SLC22A14: variants seen among roughly 807,000 people sequenced by gnomAD.
SLC22A14 encodes the protein organic cation transporter-like 4.
SLC22A14 carries 50 observed loss-of-function variants against 53.9 expected under a neutral mutation model. The observed-to-expected ratio is 0.93, with a 90% CI of 0.74 to 1.17. SLC22A14 has a LOEUF of 1.17. Ranked by LOEUF, SLC22A14 falls within the 50% of genes most tolerant of loss-of-function variation. SLC22A14 has a pLI of 0.00. For synonymous variants in SLC22A14, 312 were observed against 303.0 expected (o/e 1.03, Z -0.31); for missense variants, 671 against 734.7 (o/e 0.91, Z 1.00).
intron 9 of SLC22A14, 58 bp from the exon 10 acceptor site, chr3:38,316,266 C>A: frequency 6.6e-7 from 1 of 1,512,476 alleles, no homozygotes; most frequent in Non-Finnish European, 9.2e-7. Context: ...AGCTGCTGGC[C>A]CTGCCCAGCC....
intron 1 of SLC22A14, among the ~76,000 whole-genome samples, chr3:38,291,694 T>C (rs924740894): frequency 3.9e-5 from 6 of 152,204 alleles, no homozygotes; most frequent in Non-Finnish European, 7.3e-5. Flanking sequence ...CTATTCCTGT[T>C]TTTTTCTGTG....
chr3:38,295,749 T>TCC (rs1302711310), intron 1 of SLC22A14, among the ~76,000 whole-genome samples: 1 of 151,824 alleles, frequency 6.6e-6, no homozygotes, highest in Non-Finnish European at 1.5e-5. Context: ...TCTCTCTCTC[T>TCC]CCTCTCTGTC....
intron 1 of SLC22A14, among the ~76,000 whole-genome samples, chr3:38,287,447 G>T (rs1703817487): frequency 1.3e-5 from 2 of 151,882 alleles, no homozygotes; most frequent in Non-Finnish European, 1.5e-5. Context: ...GCCTTAATAG[G>T]GCTGGAATTT....
Position 38,313,168 on chromosome 3 carries a change from G to A in SLC22A14, c.1065+49G>A, listed in dbSNP as rs758628566. The A allele has an allele frequency of 1.0e-5, 16 of 1,600,524 alleles. No homozygotes were observed. The East Asian group carries it at 3.1e-4, about 31-fold the overall frequency. ...GGGGCCGGAGCAGTGGGCTGTGGAA[G>A]GGCCCCTTCCCTCCTCATCCTTTCA... On this transcript the variant is annotated intron_variant, in intron 6 of 10. Coordinates refer to ENST00000448498, the MANE Select transcript of SLC22A14 (RefSeq NM_001320033.2).
Position 38,315,665 on chromosome 3 carries a change from A to G in SLC22A14, c.1486A>G (p.Thr496Ala), listed in dbSNP as rs149097420. The G allele has an allele frequency of 3.9e-5, 63 of 1,613,890 alleles. No homozygotes were observed. The African/African-American group carries it at 7.9e-4, about 20-fold the overall frequency. The change falls in exon 9 of 11, where the codon ACT becomes GCT. Residue 496 changes from threonine (T) to alanine (A), a missense_variant. Physicochemically the swap from Thr to Ala is moderately conservative, Grantham distance 58. Coordinates refer to ENST00000448498, the MANE Select transcript of SLC22A14 (RefSeq NM_001320033.2). Reference protein sequence around the residue: ...LREFSLAATVTVFFLYTAELL... With the variant: ...LREFSLAATVAVFFLYTAELL... ...AGAGTTCAGCCTGGCCGCCACTGTC[A>G]CTGTGTTCTTCCTCTACACCGCTGA...
Position 38,315,626 on chromosome 3 carries a change from G to A in SLC22A14, c.1447G>A (p.Val483Met), listed in dbSNP as rs773403037. 1.2e-5 allele frequency: 20 copies of A among 1,613,996 alleles called. No individual in the cohort carries two copies. The highest frequency in any genetic ancestry group is 1.7e-5 in the Admixed American group (1 of 60,000). The change falls in exon 9 of 11, where the codon GTG becomes ATG. Residue 483 changes from valine to methionine, a missense_variant. By Grantham distance (21) the Val-to-Met change is conservative. Transcript: ENST00000448498. ...AGAGCTGAAATCCATGACGATCTTG[G>A]TGCTCATGCTCAGAGAGTTCAGCCT... ...ATELKSMTIL[V>M]LMLREFSLAA...
intron 9 of SLC22A14, among the ~76,000 whole-genome samples, chr3:38,316,045 T>A (rs1559555560): frequency 6.6e-6 from 1 of 152,186 alleles, no homozygotes; most frequent in Admixed American, 6.5e-5. Flanking sequence ...CTCAGATCCT[T>A]CCCTGAGGTT....
At chr3:38,290,440 C>G (rs928347482) in intron 1 of SLC22A14, among the ~76,000 whole-genome samples, 1 of 152,162 alleles carries the variant, frequency 6.6e-6, no homozygotes, top group East Asian at 1.9e-4. Context: ...CTGGAAGAGA[C>G]AAACTTAACA....
intron 1 of SLC22A14, among the ~76,000 whole-genome samples, chr3:38,297,428 CTGTT>C (rs1287212551): frequency 2.0e-5 from 3 of 151,712 alleles, no homozygotes; most frequent in Admixed American, 1.3e-4. Context: ...GCCCCTAAAT[CTGTT>C]TGGTGGTGGG....
At chr3:38,282,977 T>G (rs1189779515) in intron 1 of SLC22A14, among the ~76,000 whole-genome samples, 1 of 152,098 alleles carries the variant, frequency 6.6e-6, no homozygotes, top group Non-Finnish European at 1.5e-5. Context: ...GAAGAACAAA[T>G]GGGCCTCAGC....
intron 1 of SLC22A14, among the ~76,000 whole-genome samples, chr3:38,290,404 C>A (rs957245613): frequency 6.6e-6 from 1 of 152,106 alleles, no homozygotes; most frequent in African/African-American, 2.4e-5. Context: ...ATTTGAAGAT[C>A]GATTTGTAGT....
At chr3:38,287,477 T>C (rs749799236) in intron 1 of SLC22A14, among the ~76,000 whole-genome samples, 94 of 152,318 alleles carry the variant, frequency 6.2e-4, no homozygotes, top group Non-Finnish European at 1.0e-3. Flanking sequence ...ATATGATGAA[T>C]CTAATTTTAA....
At chr3:38,299,185 T>C (rs1704107022) in intron 1 of SLC22A14, among the ~76,000 whole-genome samples, 1 of 152,232 alleles carries the variant, frequency 6.6e-6, no homozygotes, top group Non-Finnish European at 1.5e-5. Flanking sequence ...TGGTTGGTTT[T>C]AGTTAATTAC....
rs373217128 is a variant in SLC22A14 at position 38,307,515 on chromosome 3, C to A, written c.621-51C>A. On this transcript the variant is annotated intron_variant, in intron 3 of 10. Coordinates refer to ENST00000448498, the MANE Select transcript of SLC22A14 (RefSeq NM_001320033.2). The surrounding 1 kb of genome is among the most constrained non-coding windows in gnomAD (Gnocchi z 4.4). Reference sequence around the variant, plus strand: ...CTGGCCCAGGTGTATCCGGCTGGGGCCAGCCCGGGAGATCCCGGCACTTGG... The same window carrying A: ...CTGGCCCAGGTGTATCCGGCTGGGGACAGCCCGGGAGATCCCGGCACTTGG... 52 of 1,603,252 alleles carry A rather than the reference C, an allele frequency of 3.2e-5. 1 individual carries two copies. In the South Asian group the frequency reaches 5.6e-4, roughly 17 times the overall value.
chr3:38,296,272 C>G (rs1276996304), intron 1 of SLC22A14, among the ~76,000 whole-genome samples: 1 of 152,206 alleles, frequency 6.6e-6, no homozygotes, highest in Non-Finnish European at 1.5e-5. Context: ...TGCCTCTAGT[C>G]AGCCCTCGGC....
intron 1 of SLC22A14, among the ~76,000 whole-genome samples, chr3:38,292,651 CTTTAG>C (rs1450234396): frequency 1.3e-5 from 2 of 152,176 alleles, no homozygotes; most frequent in African/African-American, 4.8e-5. Flanking sequence ...AGGCAGAATT[CTTTAG>C]TTTAATTTGA....
rs372049684 is a variant in SLC22A14, at chr3:38,306,157, T to A, written c.131T>A (p.Val44Asp). 5.6e-5 allele frequency: 91 copies of A among 1,614,026 alleles called. No individual in the cohort carries two copies. Among genetic ancestry groups the A allele is most frequent in the Non-Finnish European group, 7.5e-5 (88 of 1,180,012 alleles). ...ATGCTGTTACGCAGATTGAGGGCTGTCCACACCAAGCAGGATGACAAGTTT... is the reference window on the plus strand; with the variant it reads ...ATGCTGTTACGCAGATTGAGGGCTGACCACACCAAGCAGGATGACAAGTTT... ...LEMLLRRLRA[V>D]HTKQDDKFAN... Residue 44 changes from valine (V) to aspartate (D), a missense_variant, in exon 2 of 11, where the codon GTC (valine) becomes GAC (aspartate). Transcript: ENST00000448498.
chr3:38,290,205 A>G (rs1218124540), intron 1 of SLC22A14, among the ~76,000 whole-genome samples: 1 of 152,144 alleles, frequency 6.6e-6, no homozygotes, highest in African/African-American at 2.4e-5. Context: ...GGAAAACTCA[A>G]GTGCTGTTGG....
intron 1 of SLC22A14, among the ~76,000 whole-genome samples, chr3:38,287,221 G>A (rs1703814018): frequency 6.6e-6 from 1 of 151,848 alleles, no homozygotes; most frequent in Non-Finnish European, 1.5e-5. Flanking sequence ...GCTAAATTTG[G>A]CAAGTTTAAT....
Sources: gnomAD v4.1 joint callset for allele counts (sites outside exome capture counted in the v4.1 genomes callset) on GRCh38, gnomAD v4.1.1 for gene constraint, Gnocchi (gnomAD v3.1) non-coding constraint, MANE v1.5 for transcripts, NCBI Gene and HGNC (gene_info 2026-07-23, HGNC 2026-07-21) for gene names.